TENM3: variants seen among roughly 807,000 people sequenced by gnomAD.
TENM3 encodes the protein teneurin-3.
In TENM3, 63 loss-of-function variants were observed where a neutral mutation model predicts 255.1. The observed-to-expected ratio is 0.25, with a 90% CI of 0.20 to 0.30. TENM3 has a LOEUF of 0.30. Ranked by LOEUF, TENM3 falls within the 10% of genes least tolerant of loss-of-function variation. The probability of loss-of-function intolerance (pLI) is 1.00; values close to 1 mark genes in which losing one functional copy is unlikely to be tolerated. For synonymous variants in TENM3, 1,306 were observed against 1,322.3 expected, an observed-to-expected ratio of 0.99 and a Z score of 0.27; for missense variants, 2,929 against 3,461.1, an observed-to-expected ratio of 0.85 and a Z score of 3.86.
At chr4:182,088,561 A>AT in the TENM3 span, among the ~76,000 whole-genome samples, 12 of 152,148 alleles carry the variant, frequency 7.9e-5, no homozygotes, top group Non-Finnish European at 1.0e-4. Context: ...ACAATCTTTA[A>AT]TTTTTTTAAA....
At chr4:181,748,435 A>G in the TENM3 span, among the ~76,000 whole-genome samples, 1 of 152,256 alleles carries the variant, frequency 6.6e-6, no homozygotes, top group African/African-American at 2.4e-5. Flanking sequence ...GAACATAGAA[A>G]AGAAAATATT....
chr4:181,537,053 A>C, the TENM3 span, among the ~76,000 whole-genome samples: 6 of 152,298 alleles, frequency 3.9e-5, no homozygotes, highest in East Asian at 1.2e-3. Flanking sequence ...TAAAGGTAAT[A>C]AAACTTTATA....
chr4:181,815,405 G>A, the TENM3 span, among the ~76,000 whole-genome samples: 1 of 146,184 alleles, frequency 6.8e-6, no homozygotes, highest in Admixed American at 7.1e-5. Context: ...AGAGGTTGCA[G>A]TAAGCCGAGA....
intron 1 of TENM3, among the ~76,000 whole-genome samples, chr4:182,197,998 A>G (rs370065541): frequency 1.3e-5 from 2 of 152,164 alleles, no homozygotes; most frequent in East Asian, 3.9e-4. Flanking sequence ...CCAGCTACTC[A>G]GGAGGCTGAC....
At chr4:182,059,165 G>A in the TENM3 span, among the ~76,000 whole-genome samples, 25 of 152,092 alleles carry the variant, frequency 1.6e-4, no homozygotes, top group Admixed American at 1.1e-3. Flanking sequence ...GCTGGTTTTA[G>A]AAGCAAATAC....
At chr4:182,441,698 A>G (rs562369639) in intron 3 of TENM3, among the ~76,000 whole-genome samples, 1 of 152,076 alleles carries the variant, frequency 6.6e-6, no homozygotes, top group South Asian at 2.1e-4. Flanking sequence ...GGGTTTCACT[A>G]TGTTGGCCAG....
chr4:181,851,611 C>T, the TENM3 span, among the ~76,000 whole-genome samples: 5 of 152,054 alleles, frequency 3.3e-5, no homozygotes, highest in South Asian at 2.1e-4. Flanking sequence ...AACGCACACA[C>T]GCACGCACGC....
chr4:181,619,196 G>A, the TENM3 span, among the ~76,000 whole-genome samples: 1 of 152,072 alleles, frequency 6.6e-6, no homozygotes, highest in Non-Finnish European at 1.5e-5. Flanking sequence ...TCTACTTGCA[G>A]CTCCTTTTGC....
chr4:182,749,792 A>G (rs1762249377), intron 19 of TENM3, among the ~76,000 whole-genome samples: 1 of 152,220 alleles, frequency 6.6e-6, no homozygotes, highest in African/African-American at 2.4e-5. Flanking sequence ...ATGTATACAC[A>G]TGAGTGTATG....
rs1245110573 is a variant in TENM3 at position 182,796,765 on chromosome 4, C to A, written c.7342C>A (p.Pro2448Thr). ...GAAGAGTCAGCAGTGGGATGATATA[C>A]CGGTAAGAAACAAAAAGACCTACGG... is the stretch of plus-strand genomic sequence containing the variant. ...LVKSQQWDDI[P>T]PIFGVQQQVA... is the part of the protein sequence containing the mutation. Residue 2448 changes from proline to threonine, a missense_variant and splice_region_variant, in exon 27 of 28, where the codon CCG becomes ACG. This residue lies in a region of TENM3 where 476 missense variants were observed against 480.1 expected (regional missense o/e 0.99). Transcript: ENST00000511685. 2.5e-6 allele frequency: 4 copies of A among 1,603,290 alleles called. No individual in the cohort carries two copies. Among genetic ancestry groups the A allele is most frequent in the Non-Finnish European group, 3.4e-6 (4 of 1,174,614 alleles).
chr4:181,561,673 T>A, the TENM3 span, among the ~76,000 whole-genome samples: 1 of 152,228 alleles, frequency 6.6e-6, no homozygotes, highest in Non-Finnish European at 1.5e-5. Context: ...GTGATTTACT[T>A]AGGCATTTTA....
chr4:181,484,186 A>G, the TENM3 span, among the ~76,000 whole-genome samples: 4 of 152,106 alleles, frequency 2.6e-5, no homozygotes, highest in African/African-American at 9.7e-5. Context: ...CTTTAACATA[A>G]CAATACAGCC....
At chr4:182,478,116 T>C (rs1390761652) in intron 3 of TENM3, among the ~76,000 whole-genome samples, 2 of 152,222 alleles carry the variant, frequency 1.3e-5, no homozygotes, top group Middle Eastern at 3.4e-3. Context: ...TTTGCACTTT[T>C]CTTTAGAATT....
At chr4:182,739,999 G>A (rs1761480781) in intron 18 of TENM3, among the ~76,000 whole-genome samples, 1 of 152,204 alleles carries the variant, frequency 6.6e-6, no homozygotes, top group African/African-American at 2.4e-5. Context: ...TCGTGCCACT[G>A]CACTCCAGCC....
At chr4:182,483,914 A>C (rs1036762492) in intron 3 of TENM3, among the ~76,000 whole-genome samples, 10 of 152,094 alleles carry the variant, frequency 6.6e-5, no homozygotes, top group African/African-American at 2.4e-4. Flanking sequence ...CACAAGAACG[A>C]CAAGGAAGTC....
chr4:181,591,168 A>G, the TENM3 span, among the ~76,000 whole-genome samples: 1 of 152,210 alleles, frequency 6.6e-6, no homozygotes, highest in Non-Finnish European at 1.5e-5. Flanking sequence ...AACCAATACT[A>G]CAATGCTTCC....
intron 3 of TENM3, among the ~76,000 whole-genome samples, chr4:182,572,559 G>A (rs1744502523): frequency 6.6e-6 from 1 of 152,174 alleles, no homozygotes; most frequent in South Asian, 2.1e-4. Flanking sequence ...TAATGCCATA[G>A]TCAGTGTTGA....
the TENM3 span, among the ~76,000 whole-genome samples, chr4:181,561,953 G>A: frequency 5.3e-5 from 8 of 152,266 alleles, no homozygotes; most frequent in Non-Finnish European, 8.8e-5. Context: ...CTTGCGAATT[G>A]TGGGTGTTTT....
the TENM3 span, among the ~76,000 whole-genome samples, chr4:181,827,272 G>A: frequency 6.6e-6 from 1 of 152,192 alleles, no homozygotes; most frequent in Admixed American, 6.5e-5. Context: ...TTGGTGATTC[G>A]TGAAATATAA....
Sources: allele counts gnomAD v4.1 joint callset (sites outside exome capture counted in the v4.1 genomes callset), GRCh38; gene constraint gnomAD v4.1.1; regional missense constraint gnomAD v4.1.1; transcripts MANE v1.5; gene names NCBI Gene and HGNC (gene_info 2026-07-23, HGNC 2026-07-21).